Variants in ATXN7 observed in about 807,000 individuals in gnomAD.
ATXN7 encodes ataxin 7.
ATXN7 carries 12 observed loss-of-function variants against 70.5 expected under a neutral mutation model. The observed-to-expected ratio is 0.17, with a 90% CI of 0.11 to 0.28. The LOEUF is 0.28. ATXN7 is among the 10% of genes least tolerant of loss of function. The pLI is 1.00. For synonymous variants in ATXN7, 498 were observed against 448.7 expected (o/e 1.11, Z -1.39); for missense variants, 1,256 against 1,131.7 (o/e 1.11, Z -1.58).
At chr3:63,892,485 ACACACACACC>A (rs1469247558) in intron 1 of ATXN7, among the ~76,000 whole-genome samples, 1 of 149,318 alleles carries the variant, frequency 6.7e-6, no homozygotes, top group African/African-American at 2.5e-5. Context: ...ACACACACAC[ACACACACACC>A]CACACACACA....
chr3:63,941,978 G>T (rs763125719), intron 4 of ATXN7, among the ~76,000 whole-genome samples: 110 of 152,256 alleles, frequency 7.2e-4, no homozygotes, highest in Middle Eastern at 3.4e-3. Flanking sequence ...AACCTGTTAC[G>T]TGGAGACCAG....
chr3:63,975,910 T>C (rs940789364), intron 5 of ATXN7, among the ~76,000 whole-genome samples: 2 of 152,228 alleles, frequency 1.3e-5, no homozygotes, highest in Non-Finnish European at 2.9e-5. Flanking sequence ...CTCTGCTCTT[T>C]TCTTGTGTCT....
At chr3:63,866,800 A>G (rs1296197668) in intron 1 of ATXN7, 1 of 152,210 alleles carries the variant, frequency 6.6e-6, no homozygotes, top group East Asian at 1.9e-4. Flanking sequence ...AAAGTAGCAA[A>G]GACTCAAGCC....
chr3:63,999,440 T>A lies in ATXN7; in HGVS notation c.2662-10T>A, dbSNP rs990585547. 1.9e-6 allele frequency: 3 copies of A among 1,612,366 alleles called. No individual in the cohort carries two copies. The African/African-American group carries it at 4.0e-5, about 22-fold the overall frequency. On this transcript the variant is annotated splice_polypyrimidine_tract_variant and intron_variant, in intron 12 of 12. Transcript: ENST00000674280. ...ATTTCATTATTTCCCCACCCCCTCT[T>A]TTTTGAAAGCCAAAGGCACGTCCCT...
chr3:63,995,577 G>T lies in ATXN7; in HGVS notation c.1755G>T (p.Pro585=). The T allele has an allele frequency of 1.4e-5, 22 of 1,614,088 alleles. No homozygotes were observed. The highest frequency in any genetic ancestry group is 1.8e-5 in the Non-Finnish European group (21 of 1,180,022). ...TTCCTCACCGGACAAACTCTGTGCCGACATCACAATGTGGAGTCAGCTATC... is the reference window on the plus strand; with the variant it reads ...TTCCTCACCGGACAAACTCTGTGCCTACATCACAATGTGGAGTCAGCTATC... ...TRIPHRTNSV[P]TSQCGVSYLA... The change falls in exon 12 of 13, where the codon CCG becomes CCT. Residue 585 remains proline (P), a synonymous_variant. Transcript: ENST00000674280.
At chr3:63,912,972 C>T (rs1704110438) in intron 3 of ATXN7, 49 bp downstream of exon 3, 8 of 1,387,254 alleles carry the variant, frequency 5.8e-6, no homozygotes, top group East Asian at 3.2e-5. Flanking sequence ...CGACCCCCTC[C>T]TCTCTCCTCC....
At chr3:63,996,617 TAAAAA>T (rs752406394) in intron 12 of ATXN7, 134 bp downstream of exon 12, 798 of 202,376 alleles carry the variant, frequency 3.9e-3, no homozygotes, top group Middle Eastern at 7.3e-3. Context: ...GGTGTCTTCT[TAAAAA>T]AAAAAAAAAA....
intron 4 of ATXN7, among the ~76,000 whole-genome samples, chr3:63,916,524 A>G (rs1010340929): frequency 1.3e-5 from 2 of 152,024 alleles, no homozygotes; most frequent in Admixed American, 6.5e-5. Flanking sequence ...ACCAACTCCT[A>G]TCAGGCAAGA....
chr3:63,997,096 A>G (rs1013507960), intron 12 of ATXN7, among the ~76,000 whole-genome samples: 2 of 152,282 alleles, frequency 1.3e-5, no homozygotes, highest in East Asian at 3.9e-4. Flanking sequence ...CGTCTCTACT[A>G]AAAATACGAA....
chr3:63,918,045 T>A (rs535172543), intron 4 of ATXN7, among the ~76,000 whole-genome samples: 4 of 152,300 alleles, frequency 2.6e-5, no homozygotes, highest in African/African-American at 9.6e-5. Context: ...GGCAAAGAAG[T>A]AGAATAGCAA....
chr3:63,883,800 A>G (rs1702991757), intron 1 of ATXN7, among the ~76,000 whole-genome samples: 1 of 152,152 alleles, frequency 6.6e-6, no homozygotes, highest in African/African-American at 2.4e-5. Flanking sequence ...ATAGAATAGC[A>G]AACAAGTAGC....
intron 5 of ATXN7, among the ~76,000 whole-genome samples, chr3:63,966,370 T>C (rs1575962646): frequency 6.6e-6 from 1 of 150,994 alleles, no homozygotes. Flanking sequence ...AGCCATGGAA[T>C]TTTTTTTTTC....
intron 1 of ATXN7, among the ~76,000 whole-genome samples, chr3:63,896,051 G>C (rs1043346720): frequency 6.6e-6 from 1 of 152,072 alleles, no homozygotes; most frequent in African/African-American, 2.4e-5. Context: ...GTCCAGCTTT[G>C]ACAAAGATGG....
intron 2 of ATXN7, among the ~76,000 whole-genome samples, chr3:63,908,559 G>A (rs918067679): frequency 1.4e-4 from 21 of 152,220 alleles, no homozygotes; most frequent in African/African-American, 4.6e-4. Context: ...AATTTACACA[G>A]ATAAGTATAC....
intron 5 of ATXN7, among the ~76,000 whole-genome samples, chr3:63,974,400 G>A (rs1227136845): frequency 2.0e-5 from 3 of 152,196 alleles, no homozygotes; most frequent in East Asian, 3.9e-4. Context: ...TTATGCCCCA[G>A]CCCTCACCTT....
chr3:63,893,148 G>A (rs1004017924), intron 1 of ATXN7, among the ~76,000 whole-genome samples: 2 of 152,138 alleles, frequency 1.3e-5, no homozygotes, highest in Admixed American at 6.5e-5. Flanking sequence ...CATGTAAAAG[G>A]CTTACTTTTT....
intron 4 of ATXN7, among the ~76,000 whole-genome samples, chr3:63,930,586 C>T (rs1704911871): frequency 6.6e-6 from 1 of 151,042 alleles, no homozygotes. Flanking sequence ...GGCTGGAGTG[C>T]AGTGGCGCAA....
intron 4 of ATXN7, among the ~76,000 whole-genome samples, chr3:63,936,202 T>G (rs2074659537): frequency 6.6e-6 from 1 of 152,212 alleles, no homozygotes; most frequent in Non-Finnish European, 1.5e-5. Context: ...TGCAAGTCTC[T>G]CAAACTATAA....
chr3:63,998,200 AG>A (rs143795156), intron 12 of ATXN7: 7,894 of 510,728 alleles, frequency 0.015, 7 homozygotes, highest in South Asian at 0.021. Context: ...AAAGGACAGA[AG>A]GGGGGGGGGC....
Sources: gnomAD v4.1 joint callset for allele counts (sites outside exome capture counted in the v4.1 genomes callset) on GRCh38, gnomAD v4.1.1 for gene constraint, MANE v1.5 for transcripts, NCBI Gene and HGNC (gene_info 2026-07-23, HGNC 2026-07-21) for gene names.